MTUS2: variants seen among roughly 807,000 people sequenced by gnomAD.
MTUS2 encodes the protein microtubule-associated tumor suppressor candidate 2.
In MTUS2, 40 loss-of-function variants were observed where a neutral mutation model predicts 114.1. The ratio of observed to expected loss-of-function variants is 0.35; its 90% CI spans 0.27 to 0.46. The LOEUF (loss-of-function observed/expected upper bound fraction) is 0.46. MTUS2 is among the 20% of genes least tolerant of loss of function. The pLI, the probability that MTUS2 is intolerant of heterozygous loss-of-function variation, is 1.00. For missense variants in MTUS2, 1,679 were observed against 1,705.4 expected (o/e 0.98, Z 0.27); for synonymous variants, 688 against 672.0 (o/e 1.02, Z -0.37).
intron 8 of MTUS2, among the ~76,000 whole-genome samples, chr13:29,390,651 C>CA (rs1258039110): frequency 0.011 from 1,205 of 109,366 alleles, 27 homozygotes; most frequent in African/African-American, 0.031. Context: ...GACTCCATCT[C>CA]AAAAAAAAAA....
intron 6 of MTUS2, among the ~76,000 whole-genome samples, chr13:29,312,180 A>G (rs779378698): frequency 2.0e-5 from 3 of 152,178 alleles, no homozygotes; most frequent in Non-Finnish European, 2.9e-5. Context: ...CCAGAGAGAA[A>G]TCTTTGCCCA....
intron 1 of MTUS2, among the ~76,000 whole-genome samples, chr13:28,826,096 T>G (rs771797874): frequency 6.6e-6 from 1 of 152,186 alleles, no homozygotes; most frequent in Non-Finnish European, 1.5e-5. Flanking sequence ...ATGTTGGTTG[T>G]ATTACATATA....
chr13:29,219,227 G>A (rs1266924444), intron 5 of MTUS2, among the ~76,000 whole-genome samples: 31 of 147,152 alleles, frequency 2.1e-4, no homozygotes, highest in Non-Finnish European at 3.9e-4. Context: ...GCGGTGTTTG[G>A]TTTTTTGTTC....
At chr13:29,155,708 AT>A (rs1366521655) in intron 5 of MTUS2, among the ~76,000 whole-genome samples, 1 of 152,166 alleles carries the variant, frequency 6.6e-6, no homozygotes, top group Non-Finnish European at 1.5e-5. Context: ...GTGTATATAT[AT>A]TTTCATTATA....
At chr13:29,451,321 A>G (rs1878667965) in intron 9 of MTUS2, among the ~76,000 whole-genome samples, 1 of 152,232 alleles carries the variant, frequency 6.6e-6, no homozygotes, top group Non-Finnish European at 1.5e-5. Flanking sequence ...AAATTAAACA[A>G]CATCCAAATA....
chr13:29,249,699 A>G (rs1424544843), intron 5 of MTUS2, among the ~76,000 whole-genome samples: 1 of 152,256 alleles, frequency 6.6e-6, no homozygotes, highest in East Asian at 1.9e-4. Flanking sequence ...TAAATTCAGA[A>G]TATTAGACCT....
chr13:28,959,664 G>A (rs1883231913), intron 2 of MTUS2, among the ~76,000 whole-genome samples: 1 of 152,092 alleles, frequency 6.6e-6, no homozygotes, highest in African/African-American at 2.4e-5. Flanking sequence ...GAGGTGCCAG[G>A]CAATTTTAAA....
chr13:28,822,827 T>C (rs542414216), intron 1 of MTUS2, among the ~76,000 whole-genome samples: 1 of 152,340 alleles, frequency 6.6e-6, no homozygotes, highest in Admixed American at 6.5e-5. Context: ...AAATTGCCTA[T>C]TCTTAGTTTA....
At chr13:29,217,367 T>G (rs1405515368) in intron 5 of MTUS2, among the ~76,000 whole-genome samples, 1 of 152,236 alleles carries the variant, frequency 6.6e-6, no homozygotes, top group Non-Finnish European at 1.5e-5. Context: ...ATACTGCAGA[T>G]TCTGTTTCAA....
rs575950207 is a variant in MTUS2 at position 28,842,955 on chromosome 13, G to T, written c.-243+3105G>T. 2.6e-5 allele frequency among the ~76,000 whole-genome samples: 4 copies of T among 152,316 alleles called. No homozygotes were observed. In the South Asian group the frequency reaches 8.3e-4, roughly 32 times the overall value. On this transcript the variant is annotated intron_variant, in intron 2 of 15. Coordinates refer to ENST00000612955, the MANE Select transcript of MTUS2 (RefSeq NM_001033602.4). ...GTGCTGCCATGGCTCTTATTTTACAGCTCTGAGAGGTGAAGGATGGAGCTA... is the reference window on the plus strand; with the variant it reads ...GTGCTGCCATGGCTCTTATTTTACATCTCTGAGAGGTGAAGGATGGAGCTA...
chr13:29,116,699 G>C (rs745539353), intron 5 of MTUS2, among the ~76,000 whole-genome samples: 4 of 152,142 alleles, frequency 2.6e-5, no homozygotes, highest in African/African-American at 4.8e-5. Context: ...CAGGCACTAA[G>C]ACGCCGCCAC....
chr13:29,500,042 C>A (rs568009142), intron 14 of MTUS2, among the ~76,000 whole-genome samples: 1 of 152,376 alleles, frequency 6.6e-6, no homozygotes, highest in East Asian at 1.9e-4. Flanking sequence ...ACCAGCTGTT[C>A]TGAGAGCAGC....
intron 4 of MTUS2, among the ~76,000 whole-genome samples, chr13:29,087,266 GATA>G (rs773357103): frequency 4.5e-4 from 69 of 152,296 alleles, no homozygotes; most frequent in Non-Finnish European, 6.9e-4. Context: ...ATTAGTTTGA[GATA>G]TGTTCCTTAA....
At chr13:28,861,991 T>C (rs949093508) in intron 2 of MTUS2, among the ~76,000 whole-genome samples, 5 of 152,162 alleles carry the variant, frequency 3.3e-5, no homozygotes, top group Non-Finnish European at 7.4e-5. Context: ...AAAACCCTTT[T>C]TAGTTTTCAC....
intron 2 of MTUS2, among the ~76,000 whole-genome samples, chr13:28,976,561 G>A (rs1259935225): frequency 6.6e-6 from 1 of 152,162 alleles, no homozygotes; most frequent in African/African-American, 2.4e-5. Context: ...CAATTATGTG[G>A]CTGTTGTGAT....
intron 3 of MTUS2, among the ~76,000 whole-genome samples, chr13:29,033,039 T>C (rs1348455207): frequency 6.6e-6 from 1 of 152,206 alleles, no homozygotes; most frequent in Non-Finnish European, 1.5e-5. Flanking sequence ...ACAGGTTGTA[T>C]TCTAGGCCAA....
At chr13:28,969,795 G>A (rs1566260144) in intron 2 of MTUS2, among the ~76,000 whole-genome samples, 1 of 150,930 alleles carries the variant, frequency 6.6e-6, no homozygotes, top group Non-Finnish European at 1.5e-5. Flanking sequence ...GAGCCACTGC[G>A]CCCGGCTGAA....
intron 5 of MTUS2, among the ~76,000 whole-genome samples, chr13:29,201,754 C>T (rs1418880652): frequency 6.6e-6 from 1 of 152,196 alleles, no homozygotes; most frequent in Non-Finnish European, 1.5e-5. Context: ...ATTTCTCCTT[C>T]ACTTTTGAAG....
chr13:29,016,329 G>A (rs1886064786), intron 2 of MTUS2, among the ~76,000 whole-genome samples: 1 of 151,000 alleles, frequency 6.6e-6, no homozygotes. Flanking sequence ...TATTTTCTGG[G>A]TGGAATTCTC....
Sources: gnomAD v4.1 joint callset for allele counts (sites outside exome capture counted in the v4.1 genomes callset) on GRCh38, gnomAD v4.1.1 for gene constraint, MANE v1.5 for transcripts, NCBI Gene and HGNC (gene_info 2026-07-23, HGNC 2026-07-21) for gene names.